GRIK4: variants seen among roughly 807,000 people sequenced by gnomAD.
GRIK4 encodes glutamate ionotropic receptor kainate type subunit 4, also known as glutamate receptor ionotropic, kainate 4.
In GRIK4, 40 loss-of-function variants were observed where a neutral mutation model predicts 104.9. The observed-to-expected ratio is 0.38, with a 90% CI of 0.30 to 0.50. The LOEUF is 0.50. Among genes scored for constraint, GRIK4 ranks in the 20% least tolerant of loss-of-function variants. GRIK4 has a pLI of 0.93. For missense variants in GRIK4, 1,047 were observed against 1,308.1 expected (o/e 0.80, Z 3.08); for synonymous variants, 485 against 524.9 (o/e 0.92, Z 1.04).
chr11:120,718,818 G>A (rs370131342), intron 3 of GRIK4, among the ~76,000 whole-genome samples: 1 of 152,198 alleles, frequency 6.6e-6, no homozygotes, highest in South Asian at 2.1e-4. Flanking sequence ...ATACCTCAGG[G>A]ATGCTTGGAC....
chr11:120,748,109 G>C (rs967972531), intron 3 of GRIK4, among the ~76,000 whole-genome samples: 2 of 152,100 alleles, frequency 1.3e-5, no homozygotes, highest in African/African-American at 4.8e-5. Context: ...CAGCCTCTCT[G>C]TTCACCACCA....
intron 3 of GRIK4, among the ~76,000 whole-genome samples, chr11:120,717,392 G>A (rs1464035118): frequency 6.6e-6 from 1 of 152,130 alleles, no homozygotes; most frequent in East Asian, 1.9e-4. Flanking sequence ...TACTTCTCCT[G>A]TCCCTTGAAC....
chr11:120,759,067 G>C (rs888327346), intron 3 of GRIK4, among the ~76,000 whole-genome samples: 1 of 152,172 alleles, frequency 6.6e-6, no homozygotes, highest in African/African-American at 2.4e-5. Flanking sequence ...CATAGCACAG[G>C]GATATTACTT....
intron 13 of GRIK4, among the ~76,000 whole-genome samples, chr11:120,921,839 C>T (rs1943234781): frequency 6.6e-6 from 1 of 152,218 alleles, no homozygotes; most frequent in Non-Finnish European, 1.5e-5. Flanking sequence ...TTGCTTCATT[C>T]TTTAAGCTTT....
intron 1 of GRIK4, among the ~76,000 whole-genome samples, chr11:120,519,433 C>T (rs1159713553): frequency 2.6e-5 from 4 of 152,178 alleles, no homozygotes; most frequent in African/African-American, 9.7e-5. Flanking sequence ...CCGCTCCCAC[C>T]GTGTGAGCAC....
intron 3 of GRIK4, among the ~76,000 whole-genome samples, chr11:120,713,330 C>T (rs1051642340): frequency 6.6e-6 from 1 of 152,112 alleles, no homozygotes; most frequent in Admixed American, 6.5e-5. Context: ...CAGTTTTGTG[C>T]CCTCTGCAGA....
intron 13 of GRIK4, among the ~76,000 whole-genome samples, chr11:120,933,507 G>A (rs1858125937): frequency 6.6e-6 from 1 of 152,146 alleles, no homozygotes; most frequent in Non-Finnish European, 1.5e-5. Context: ...GCAAACTGAG[G>A]CTTAGAAAAA....
At chr11:120,592,024 C>CCTA (rs1565564254) in intron 1 of GRIK4, among the ~76,000 whole-genome samples, 1 of 152,234 alleles carries the variant, frequency 6.6e-6, no homozygotes, top group East Asian at 1.9e-4. Flanking sequence ...GTCACAAAGC[C>CCTA]CTAGAATGCA....
At chr11:120,572,897 AT>A (rs1948419622) in intron 1 of GRIK4, among the ~76,000 whole-genome samples, 1 of 152,188 alleles carries the variant, frequency 6.6e-6, no homozygotes, top group East Asian at 1.9e-4. Flanking sequence ...GTGCAAGAAG[AT>A]TGGAAAGCCA....
chr11:120,607,923 G>C (rs376336076), intron 1 of GRIK4, among the ~76,000 whole-genome samples: 13 of 152,266 alleles, frequency 8.5e-5, no homozygotes, highest in Non-Finnish European at 1.6e-4. Context: ...TGGATTCCAG[G>C]GGGTGGTTGC....
chr11:120,793,450 G>A (rs979035976), intron 3 of GRIK4, among the ~76,000 whole-genome samples: 3 of 152,126 alleles, frequency 2.0e-5, no homozygotes, highest in Non-Finnish European at 4.4e-5. Flanking sequence ...AGTCCCAGGG[G>A]AAAGGAAGGA....
At chr11:120,815,332 C>G in intron 4 of GRIK4, 46 bp from the exon 5 acceptor site, 1 of 1,155,956 alleles carries the variant, frequency 8.7e-7, no homozygotes, top group Non-Finnish European at 1.3e-6. Context: ...CAAGCCCGAC[C>G]TGATGAGTGC....
At chr11:120,713,522 T>C (rs771399885) in intron 3 of GRIK4, among the ~76,000 whole-genome samples, 27 of 152,224 alleles carry the variant, frequency 1.8e-4, no homozygotes, top group Non-Finnish European at 2.9e-4. Context: ...CACCAGCATG[T>C]TTTGTGCTTA....
chr11:120,757,470 G>T (rs537791054), intron 3 of GRIK4, among the ~76,000 whole-genome samples: 1 of 152,216 alleles, frequency 6.6e-6, no homozygotes, highest in South Asian at 2.1e-4. Context: ...AAGACTTAGA[G>T]TATGGAAAAT....
intron 3 of GRIK4, among the ~76,000 whole-genome samples, chr11:120,751,638 G>A (rs371379888): frequency 8.5e-5 from 13 of 152,242 alleles, no homozygotes; most frequent in East Asian, 7.7e-4. Context: ...ACACACAGTC[G>A]GACAGCCACC....
intron 3 of GRIK4, among the ~76,000 whole-genome samples, chr11:120,757,731 G>A (rs1029240222): frequency 1.8e-4 from 28 of 152,296 alleles, no homozygotes; most frequent in African/African-American, 5.8e-4. Flanking sequence ...ATCAGGGGCC[G>A]TTACTAAGTC....
At chr11:120,576,942 C>T (rs1315533299) in intron 1 of GRIK4, among the ~76,000 whole-genome samples, 2 of 152,176 alleles carry the variant, frequency 1.3e-5, no homozygotes, top group Non-Finnish European at 2.9e-5. Flanking sequence ...GGACTCAGCT[C>T]CCTGTTCTCC....
At chr11:120,688,077 T>C (rs1279178485) in intron 3 of GRIK4, among the ~76,000 whole-genome samples, 1 of 152,158 alleles carries the variant, frequency 6.6e-6, no homozygotes, top group Non-Finnish European at 1.5e-5. Context: ...GCAGCAGTCT[T>C]TGCTTCTTGC....
rs778330434 is a variant in GRIK4 at position 120,986,249 on chromosome 11, G to A, written c.2860G>A (p.Glu954Lys). 2.6e-6 allele frequency: 4 copies of A among 1,564,718 alleles called. No homozygotes were observed. Among genetic ancestry groups the A allele is most frequent in the Non-Finnish European group, 3.4e-6 (4 of 1,165,074 alleles). ...GTGGGAGAAAACCACCAACAGCAGC[G>A]AGCCCGAGTAGTCCCGGAGGCCACA... ...LEWEKTTNSS[E>K]PE is the part of the protein sequence containing the mutation. The change falls in exon 21 of 21, where the codon GAG becomes AAG. Residue 954 changes from glutamate (E) to lysine (K), a missense_variant. Glu to Lys is a moderately conservative substitution (Grantham distance 56). Transcript: ENST00000527524.
Sources: allele counts gnomAD v4.1 joint callset (sites outside exome capture counted in the v4.1 genomes callset), GRCh38; gene constraint gnomAD v4.1.1; transcripts MANE v1.5; gene names NCBI Gene and HGNC (gene_info 2026-07-23, HGNC 2026-07-21).